The following GRK5 variants were observed in gnomAD, a reference collection of about 807,000 sequenced individuals.
The protein encoded by GRK5 is G protein-coupled receptor kinase 5.
A neutral mutation model predicts 78.4 loss-of-function variants in GRK5; 40 were observed. The ratio of observed to expected loss-of-function variants is 0.51; its 90% confidence interval spans 0.40 to 0.66. The LOEUF is 0.66. GRK5 is among the 30% of genes least tolerant of loss of function. The pLI is 0.00. For missense variants in GRK5, 598 were observed against 759.9 expected (o/e 0.79, Z 2.50); for synonymous variants, 289 against 296.8 (o/e 0.97, Z 0.27).
chr10:119,326,387 G>T (rs928692325), intron 1 of GRK5, 129 bp from the exon 2 acceptor site: 5 of 689,344 alleles, frequency 7.3e-6, no homozygotes, highest in African/African-American at 5.3e-5. Context: ...TGGGCTGGGG[G>T]TGTGTCACTG....
intron 1 of GRK5, among the ~76,000 whole-genome samples, chr10:119,281,684 C>T (rs981597114): frequency 1.4e-4 from 21 of 152,174 alleles, no homozygotes; most frequent in Admixed American, 2.6e-4. Flanking sequence ...GGTGGTTGGC[C>T]GCCTCTTCTC....
intron 1 of GRK5, among the ~76,000 whole-genome samples, chr10:119,295,445 G>A (rs1274512732): frequency 6.6e-6 from 1 of 152,144 alleles, no homozygotes; most frequent in Non-Finnish European, 1.5e-5. Context: ...ACTACCATTT[G>A]ATCCAGCAAT....
intron 1 of GRK5, among the ~76,000 whole-genome samples, chr10:119,295,994 C>T (rs904219027): frequency 1.4e-4 from 21 of 152,140 alleles, no homozygotes; most frequent in African/African-American, 5.1e-4. Flanking sequence ...ATTTGGGCTT[C>T]AAGAAATAAG....
At position 119,434,099 on chromosome 10, in the gene GRK5, G is replaced by A. The variant is rs561774140; in HGVS notation, c.739-2552G>A. 9.8e-5 allele frequency among the ~76,000 whole-genome samples: 15 copies of A among 152,298 alleles called. 1 individual carries two copies. In the South Asian group the frequency reaches 3.1e-3, roughly 32 times the overall value. On this transcript the variant is annotated intron_variant, in intron 8 of 15. Transcript: ENST00000392870. ...AGACTTATTCACTACTATGAGAACA[G>A]TATAGGAGAAACTGCCCACAATTCA...
chr10:119,394,827 C>G (rs921332881), intron 3 of GRK5, among the ~76,000 whole-genome samples: 2 of 147,162 alleles, frequency 1.4e-5, no homozygotes, highest in African/African-American at 5.2e-5. Flanking sequence ...GTGTGTGTAT[C>G]TGTGTCTGTG....
intron 8 of GRK5, among the ~76,000 whole-genome samples, chr10:119,435,020 A>G (rs748067220): frequency 1.5e-4 from 23 of 152,144 alleles, no homozygotes; most frequent in Non-Finnish European, 5.9e-5. Context: ...GGCTTCCACC[A>G]TGGCTCGAGC....
chr10:119,417,841 T>C, intron 4 of GRK5, among the ~76,000 whole-genome samples: 1 of 152,126 alleles, frequency 6.6e-6, no homozygotes, highest in South Asian at 2.1e-4. Context: ...CCTACTTATG[T>C]TCCAAGTGAT....
intron 1 of GRK5, among the ~76,000 whole-genome samples, chr10:119,218,358 A>T (rs574939548): frequency 6.6e-6 from 1 of 152,264 alleles, no homozygotes; most frequent in Admixed American, 6.5e-5. Context: ...CAACTGCTGG[A>T]TGGAGAGAAC....
intron 12 of GRK5, among the ~76,000 whole-genome samples, chr10:119,444,338 A>G (rs1212969057): frequency 6.6e-6 from 1 of 152,136 alleles, no homozygotes; most frequent in Non-Finnish European, 1.5e-5. Context: ...GTGGGGCCAG[A>G]TGGGGGGACT....
chr10:119,375,204 T>G (rs750480089), intron 2 of GRK5, among the ~76,000 whole-genome samples: 1 of 152,178 alleles, frequency 6.6e-6, no homozygotes, highest in Non-Finnish European at 1.5e-5. Context: ...TTGTCCTAAT[T>G]CACCTTCTCC....
In GRK5 at chr10:119,238,487, G is replaced by A. The variant is rs1848969152; in HGVS notation, c.52+30518G>A. ...CACACCCCACCCCTCAACCGCCTGA[G>A]AAATTTCTGGAACTGCGTTTAGTCT... is the stretch of plus-strand genomic sequence containing the variant. On this transcript the variant is annotated intron_variant, in intron 1 of 15. Coordinates refer to ENST00000392870, the MANE Select transcript of GRK5 (RefSeq NM_005308.3). This position sits in a 1 kb window ranked among gnomAD's most constrained non-coding sequence, Gnocchi z 4.7. Among the ~76,000 whole-genome samples, 1 of 152,062 alleles carries A rather than the reference G, an allele frequency of 6.6e-6. No individual in the cohort carries two copies. The highest frequency in any genetic ancestry group is 2.4e-5 in the African/African-American group (1 of 41,404).
intron 1 of GRK5, among the ~76,000 whole-genome samples, chr10:119,273,570 A>G (rs533731051): frequency 6.6e-6 from 1 of 152,326 alleles, no homozygotes; most frequent in South Asian, 2.1e-4. Context: ...TGGCACCCTC[A>G]GGCCACAAGT....
chr10:119,454,513 C>T (rs115592286), intron 15 of GRK5, among the ~76,000 whole-genome samples: 6,438 of 152,292 alleles, frequency 0.042, 137 homozygotes, highest in Middle Eastern at 0.078. Flanking sequence ...GCAATGGGAA[C>T]GACCGCCCAT....
chr10:119,313,961 G>A (rs1850440346), intron 1 of GRK5, among the ~76,000 whole-genome samples: 1 of 152,202 alleles, frequency 6.6e-6, no homozygotes, highest in Admixed American at 6.5e-5. Context: ...ACAGACCGCA[G>A]GCCCCAGATG....
Position 119,326,586 on chromosome 10 carries a change from G to T in GRK5, c.123G>T (p.Gln41His). ...TCCTGAAGTTCCCTCACATTAGCCA[G>T]TGTGAAGACCTCCGAAGGACCATAG... Reference protein sequence around the residue: ...KEILKFPHISQCEDLRRTIDR... With the variant: ...KEILKFPHISHCEDLRRTIDR... The change falls in exon 2 of 16, where the codon CAG (glutamine) becomes CAT (histidine). Residue 41 changes from glutamine (Q) to histidine (H), a missense_variant. Transcript: ENST00000392870. 1.2e-6 allele frequency: 2 copies of T among 1,613,860 alleles called. No individual in the cohort carries two copies. The highest frequency in any genetic ancestry group is 1.7e-6 in the Non-Finnish European group (2 of 1,179,728).
At chr10:119,352,565 C>G (rs1426548539) in intron 2 of GRK5, among the ~76,000 whole-genome samples, 8 of 152,192 alleles carry the variant, frequency 5.3e-5, no homozygotes, top group African/African-American at 1.4e-4. Context: ...TAAGAAAAAG[C>G]CTCCTCTAAC....
At chr10:119,353,789 T>G (rs2133801105) in intron 2 of GRK5, among the ~76,000 whole-genome samples, 1 of 152,294 alleles carries the variant, frequency 6.6e-6, no homozygotes, top group African/African-American at 2.4e-5. Flanking sequence ...ACATCACTGC[T>G]ACTGGTTTTA....
chr10:119,213,384 G>A (rs993506651), intron 1 of GRK5, among the ~76,000 whole-genome samples: 4 of 152,060 alleles, frequency 2.6e-5, no homozygotes, highest in South Asian at 4.2e-4. Context: ...GGTGGTGCCC[G>A]CATGTAATCC....
intron 3 of GRK5, among the ~76,000 whole-genome samples, chr10:119,386,366 T>A (rs1337562382): frequency 6.6e-6 from 1 of 152,152 alleles, no homozygotes; most frequent in Non-Finnish European, 1.5e-5. Flanking sequence ...AGAGAGTTGA[T>A]GAGGCAGAGC....
Sources: gnomAD v4.1 joint callset for allele counts (sites outside exome capture counted in the v4.1 genomes callset) on GRCh38, gnomAD v4.1.1 for gene constraint, Gnocchi (gnomAD v3.1) non-coding constraint, MANE v1.5 for transcripts, NCBI Gene and HGNC (gene_info 2026-07-23, HGNC 2026-07-21) for gene names.